The following GRID2 variants were observed in gnomAD, a reference collection of about 807,000 sequenced individuals.
The protein encoded by GRID2 is glutamate receptor ionotropic, delta-2.
GRID2 carries 33 observed loss-of-function variants against 114.8 expected under a neutral mutation model. The observed-to-expected ratio is 0.29, with a 90% CI of 0.22 to 0.38. The LOEUF is 0.38. Ranked by LOEUF, GRID2 falls within the 10% of genes least tolerant of loss-of-function variation. The pLI is 1.00. For missense variants in GRID2, 1,184 were observed against 1,257.7 expected, an observed-to-expected ratio of 0.94 and a Z score of 0.89; for synonymous variants, 505 against 449.9, an observed-to-expected ratio of 1.12 and a Z score of -1.55.
intron 8 of GRID2, among the ~76,000 whole-genome samples, chr4:93,268,406 A>G (rs1751088590): frequency 6.6e-6 from 1 of 152,094 alleles, no homozygotes; most frequent in Non-Finnish European, 1.5e-5. Flanking sequence ...TCACCTCCTC[A>G]TAGGCCCCAT....
At chr4:92,534,220 C>G (rs767889277) in intron 1 of GRID2, among the ~76,000 whole-genome samples, 3 of 152,026 alleles carry the variant, frequency 2.0e-5, no homozygotes, top group Non-Finnish European at 4.4e-5. Context: ...AGAAGTAAAG[C>G]TTTTATTTCA....
At chr4:93,270,204 TCACACACACATA>T (rs1434628216) in intron 8 of GRID2, among the ~76,000 whole-genome samples, 1 of 124,146 alleles carries the variant, frequency 8.1e-6, no homozygotes, top group African/African-American at 3.5e-5. Context: ...TCTCTCTCTC[TCACACACACATA>T]CACACACACA....
chr4:92,899,855 G>A (rs1448524194), intron 2 of GRID2, among the ~76,000 whole-genome samples: 3 of 152,094 alleles, frequency 2.0e-5, no homozygotes, highest in South Asian at 2.1e-4. Flanking sequence ...AGATGAAGAT[G>A]GTAATTCCTA....
chr4:92,861,823 C>T (rs1036718041), intron 2 of GRID2, among the ~76,000 whole-genome samples: 4 of 152,044 alleles, frequency 2.6e-5, no homozygotes, highest in Non-Finnish European at 5.9e-5. Context: ...ATTTTACCTT[C>T]CCACCTCATT....
chr4:92,460,032 C>CTCTCTCTCTATATA (rs749790235), intron 1 of GRID2, among the ~76,000 whole-genome samples: 3 of 48,440 alleles, frequency 6.2e-5, no homozygotes, highest in African/African-American at 3.0e-4. Flanking sequence ...ATAAATCTCA[C>CTCTCTCTCTATATA]TATATATATA....
chr4:92,661,984 GA>G (rs947474393), intron 2 of GRID2, among the ~76,000 whole-genome samples: 3 of 150,826 alleles, frequency 2.0e-5, no homozygotes, highest in Non-Finnish European at 3.0e-5. Context: ...ACAAAGAAAA[GA>G]AAAAAGTTTC....
intron 4 of GRID2, among the ~76,000 whole-genome samples, chr4:93,163,411 A>G (rs1371760851): frequency 1.6e-5 from 2 of 128,634 alleles, no homozygotes; most frequent in African/African-American, 6.7e-5. Context: ...CACTATATAT[A>G]TACATACATG....
At chr4:92,789,703 T>C (rs969193365) in intron 2 of GRID2, among the ~76,000 whole-genome samples, 6 of 151,964 alleles carry the variant, frequency 3.9e-5, no homozygotes, top group African/African-American at 1.4e-4. Context: ...TAAACGTATT[T>C]ATTTTATTTT....
At chr4:92,698,950 G>A (rs1331265231) in intron 2 of GRID2, among the ~76,000 whole-genome samples, 1 of 152,032 alleles carries the variant, frequency 6.6e-6, no homozygotes, top group Non-Finnish European at 1.5e-5. Flanking sequence ...CACATATTTT[G>A]TGGTTCATTC....
At chr4:93,238,832 CAT>C (rs1414205880) in intron 8 of GRID2, among the ~76,000 whole-genome samples, 1 of 151,422 alleles carries the variant, frequency 6.6e-6, no homozygotes, top group Non-Finnish European at 1.5e-5. Context: ...TAACTTGTAA[CAT>C]GTACAAAATC....
chr4:93,681,905 G>A (rs1215568113), intron 14 of GRID2, among the ~76,000 whole-genome samples: 1 of 151,470 alleles, frequency 6.6e-6, no homozygotes, highest in Non-Finnish European at 1.5e-5. Flanking sequence ...AAAAGCAATG[G>A]CAACAAAAGC....
chr4:92,613,697 T>C (rs1033471697), intron 2 of GRID2, among the ~76,000 whole-genome samples: 1 of 151,510 alleles, frequency 6.6e-6, no homozygotes, highest in African/African-American at 2.4e-5. Flanking sequence ...TAATTTTTTT[T>C]ATAATCCTGT....
At chr4:92,348,997 A>G (rs1727926181) in intron 1 of GRID2, among the ~76,000 whole-genome samples, 1 of 151,560 alleles carries the variant, frequency 6.6e-6, no homozygotes. Context: ...GGAAACTACC[A>G]ATACTAGAGT....
chr4:92,799,607 T>C (rs1406327458), intron 2 of GRID2, among the ~76,000 whole-genome samples: 1 of 150,376 alleles, frequency 6.6e-6, no homozygotes, highest in East Asian at 1.9e-4. Context: ...ATACATTTCC[T>C]CTTCTTAGAA....
At chr4:92,618,110 T>C (rs1730089125) in intron 2 of GRID2, among the ~76,000 whole-genome samples, 1 of 151,752 alleles carries the variant, frequency 6.6e-6, no homozygotes, top group African/African-American at 2.4e-5. Context: ...CTGAAATATT[T>C]TTCTTATGTT....
intron 1 of GRID2, among the ~76,000 whole-genome samples, chr4:92,432,188 A>G (rs1006141105): frequency 8.5e-5 from 13 of 152,158 alleles, no homozygotes; most frequent in Non-Finnish European, 1.9e-4. Flanking sequence ...GCTCTGGGTC[A>G]TACCTAAAGC....
At chr4:92,670,638 A>G (rs930505440) in intron 2 of GRID2, among the ~76,000 whole-genome samples, 1 of 152,132 alleles carries the variant, frequency 6.6e-6, no homozygotes, top group African/African-American at 2.4e-5. Context: ...GTAAAATTTC[A>G]GTAAATGTTA....
chr4:93,738,366 G>T (rs891136791), intron 14 of GRID2, among the ~76,000 whole-genome samples: 1 of 152,146 alleles, frequency 6.6e-6, no homozygotes, highest in Admixed American at 6.6e-5. Flanking sequence ...AGAGCTCAGG[G>T]TTTTGTACAC....
intron 13 of GRID2, among the ~76,000 whole-genome samples, chr4:93,558,056 T>G (rs1734493025): frequency 6.6e-6 from 1 of 151,896 alleles, no homozygotes; most frequent in South Asian, 2.1e-4. Context: ...AAATTCATAA[T>G]GTACCAGAAT....
Sources: gnomAD v4.1 joint callset for allele counts (sites outside exome capture counted in the v4.1 genomes callset) on GRCh38, gnomAD v4.1.1 for gene constraint, MANE v1.5 for transcripts, NCBI Gene and HGNC (gene_info 2026-07-23, HGNC 2026-07-21) for gene names.